KCNIP1: variants seen among roughly 807,000 people sequenced by gnomAD.
The protein encoded by KCNIP1 is A-type potassium channel modulatory protein KCNIP1.
KCNIP1 carries 18 observed loss-of-function variants against 33.0 expected under a neutral mutation model. The observed-to-expected ratio is 0.55, with a 90% CI of 0.38 to 0.81. KCNIP1 has a LOEUF of 0.81. Among genes scored for constraint, KCNIP1 ranks in the 30% least tolerant of loss-of-function variants. KCNIP1 has a pLI of 0.00. For missense variants in KCNIP1, 238 were observed against 271.6 expected (o/e 0.88, Z 0.87); for synonymous variants, 93 against 98.3 (o/e 0.95, Z 0.32).
chr5:170,560,969 GT>G (rs1306848763), intron 1 of KCNIP1: 1 of 359,482 alleles, frequency 2.8e-6, no homozygotes, highest in Non-Finnish European at 5.5e-6. Context: ...ACAAGAAGGA[GT>G]CCCCTCTGGG....
intron 1 of KCNIP1, among the ~76,000 whole-genome samples, chr5:170,390,829 G>T (rs1157526304): frequency 1.3e-5 from 2 of 151,974 alleles, no homozygotes; most frequent in African/African-American, 4.8e-5. Context: ...GGCTCTGGAG[G>T]TCACCCTGAG....
chr5:170,447,620 C>T (rs1581201448), intron 1 of KCNIP1, among the ~76,000 whole-genome samples: 1 of 152,142 alleles, frequency 6.6e-6, no homozygotes, highest in African/African-American at 2.4e-5. Flanking sequence ...GCCACCAAAT[C>T]AGTGCCAGCA....
In KCNIP1 at chr5:170,730,338, C is replaced by A. The variant is rs924150962; in HGVS notation, c.436-2462C>A. Among the ~76,000 whole-genome samples the A allele has an allele frequency of 2.0e-5, 3 of 152,128 alleles. 1 individual carries two copies. Among genetic ancestry groups the A allele is most frequent in the African/African-American group, 7.2e-5 (3 of 41,448 alleles). ...TGTAATTTGCAAACTAGGCAGAATTCTCCCCATTAATCTATCAGACCTCTC... is the reference window on the plus strand; with the variant it reads ...TGTAATTTGCAAACTAGGCAGAATTATCCCCATTAATCTATCAGACCTCTC... On this transcript the variant is annotated intron_variant, in intron 5 of 7. Coordinates refer to ENST00000328939, the MANE Select transcript of KCNIP1 (RefSeq NM_014592.4).
chr5:170,444,392 A>G (rs1463544967), intron 1 of KCNIP1, among the ~76,000 whole-genome samples: 1 of 151,980 alleles, frequency 6.6e-6, no homozygotes, highest in African/African-American at 2.4e-5. Flanking sequence ...GTGCCTCCCT[A>G]TGTCATTTGT....
chr5:170,709,238 G>T (rs185092955), intron 1 of KCNIP1, among the ~76,000 whole-genome samples: 1 of 152,072 alleles, frequency 6.6e-6, no homozygotes, highest in Non-Finnish European at 1.5e-5. Flanking sequence ...GCTGAAAGAG[G>T]TATTTTTAAA....
At chr5:170,692,748 C>G (rs887426019) in intron 1 of KCNIP1, among the ~76,000 whole-genome samples, 1 of 152,168 alleles carries the variant, frequency 6.6e-6, no homozygotes, top group African/African-American at 2.4e-5. Context: ...TATATCTTCT[C>G]TTTCTGAAAA....
chr5:170,406,740 C>T (rs1402429103), intron 1 of KCNIP1, among the ~76,000 whole-genome samples: 4 of 152,148 alleles, frequency 2.6e-5, no homozygotes, highest in Non-Finnish European at 5.9e-5. Context: ...TTCCTCATTC[C>T]GAGGCCTGGA....
intron 1 of KCNIP1, among the ~76,000 whole-genome samples, chr5:170,582,212 C>T (rs1757820711): frequency 6.6e-6 from 1 of 152,112 alleles, no homozygotes; most frequent in African/African-American, 2.4e-5. Context: ...ACCTTAAGCC[C>T]CAACAATATA....
At chr5:170,693,850 T>C (rs1762805260) in intron 1 of KCNIP1, among the ~76,000 whole-genome samples, 1 of 152,202 alleles carries the variant, frequency 6.6e-6, no homozygotes, top group East Asian at 1.9e-4. Context: ...GCTGGCAGCC[T>C]AGAGGAGGAC....
chr5:170,728,518 A>C (rs1764082775), intron 5 of KCNIP1, among the ~76,000 whole-genome samples: 1 of 152,202 alleles, frequency 6.6e-6, no homozygotes, highest in Admixed American at 6.5e-5. Flanking sequence ...TGCAAAAAGA[A>C]ATTGTGTAGC....
chr5:170,570,708 C>T (rs1183990514), intron 1 of KCNIP1, among the ~76,000 whole-genome samples: 3 of 152,232 alleles, frequency 2.0e-5, no homozygotes, highest in Non-Finnish European at 2.9e-5. Context: ...GGAGCACCAG[C>T]GACAGACGGC....
At chr5:170,679,110 A>G (rs1432998269) in intron 1 of KCNIP1, 1 of 152,220 alleles carries the variant, frequency 6.6e-6, no homozygotes, top group African/African-American at 2.4e-5. Flanking sequence ...TTCTGGGCAG[A>G]TGGGATCTGG....
intron 1 of KCNIP1, among the ~76,000 whole-genome samples, chr5:170,651,096 G>A (rs539243003): frequency 6.6e-4 from 101 of 152,318 alleles, no homozygotes; most frequent in Middle Eastern, 6.8e-3. Context: ...GGCAGAGGGC[G>A]TGGACTATTC....
intron 1 of KCNIP1, among the ~76,000 whole-genome samples, chr5:170,397,000 G>A (rs1754778075): frequency 6.6e-6 from 1 of 152,206 alleles, no homozygotes; most frequent in Non-Finnish European, 1.5e-5. Context: ...TATCTGTCAT[G>A]TGATGCTATA....
At chr5:170,625,650 C>G (rs1002246049) in intron 1 of KCNIP1, among the ~76,000 whole-genome samples, 2 of 152,196 alleles carry the variant, frequency 1.3e-5, no homozygotes, top group African/African-American at 4.8e-5. Flanking sequence ...GCTAGTCTTA[C>G]AAGCACCCAA....
chr5:170,729,052 C>A (rs1764102869), intron 5 of KCNIP1, among the ~76,000 whole-genome samples: 1 of 151,856 alleles, frequency 6.6e-6, no homozygotes. Context: ...TTAAATGATT[C>A]TTGGAAAACT....
chr5:170,652,929 C>A (rs1430120623), intron 1 of KCNIP1, among the ~76,000 whole-genome samples: 1 of 152,078 alleles, frequency 6.6e-6, no homozygotes. Context: ...GCAAAACCAA[C>A]AAAAAAACGA....
At chr5:170,573,192 G>C (rs1433407196) in intron 1 of KCNIP1, among the ~76,000 whole-genome samples, 2 of 152,184 alleles carry the variant, frequency 1.3e-5, no homozygotes, top group Non-Finnish European at 2.9e-5. Context: ...TTACTACAAG[G>C]CTTCTGTGGA....
At chr5:170,399,754 A>G (rs1020962311) in intron 1 of KCNIP1, among the ~76,000 whole-genome samples, 1 of 152,230 alleles carries the variant, frequency 6.6e-6, no homozygotes, top group African/African-American at 2.4e-5. Context: ...ATAATAGTCC[A>G]TCATATAGAT....
Sources: gnomAD v4.1 joint callset for allele counts (sites outside exome capture counted in the v4.1 genomes callset) on GRCh38, gnomAD v4.1.1 for gene constraint, MANE v1.5 for transcripts, NCBI Gene and HGNC (gene_info 2026-07-23, HGNC 2026-07-21) for gene names.